A2ML1: variants seen among roughly 807,000 people sequenced by gnomAD.
A2ML1 encodes the protein alpha-2-macroglobulin-like protein 1.
A neutral mutation model predicts 181.9 loss-of-function variants in A2ML1; 161 were observed. The observed-to-expected ratio is 0.89, with a 90% CI of 0.78 to 1.01. The LOEUF is 1.01. Among genes scored for constraint, A2ML1 ranks in the 50% least tolerant of loss-of-function variants. A2ML1 has a pLI of 0.00. For synonymous variants in A2ML1, 663 were observed against 666.8 expected (o/e 0.99, Z 0.09); for missense variants, 1,670 against 1,768.1 (o/e 0.94, Z 1.00).
intron 28 of A2ML1, among the ~76,000 whole-genome samples, chr12:8,861,588 C>T (rs779762366): frequency 4.6e-5 from 7 of 150,934 alleles, no homozygotes; most frequent in Non-Finnish European, 7.4e-5. Flanking sequence ...CCCGGGTTCA[C>T]GCCATTCTCC....
At chr12:8,872,161 G>A (rs945559490) in intron 33 of A2ML1, among the ~76,000 whole-genome samples, 8 of 149,610 alleles carry the variant, frequency 5.3e-5, no homozygotes, top group African/African-American at 2.0e-4. Flanking sequence ...CCTGGGCAAC[G>A]GTGCAAGACT....
intron 18 of A2ML1, 116 bp downstream of exon 18, chr12:8,850,390 G>A (rs1943849025): frequency 3.2e-6 from 2 of 618,534 alleles, no homozygotes; most frequent in Admixed American, 3.6e-5. Flanking sequence ...TTCAAGACCA[G>A]CCTGGGCAAC....
chr12:8,827,752 C>G (rs778374557), intron 3 of A2ML1, among the ~76,000 whole-genome samples: 3 of 152,110 alleles, frequency 2.0e-5, no homozygotes, highest in Non-Finnish European at 2.9e-5. Context: ...GGCAGACTTT[C>G]CAGGTATTTG....
intron 29 of A2ML1, among the ~76,000 whole-genome samples, chr12:8,867,020 T>C (rs1446293074): frequency 6.6e-6 from 1 of 152,182 alleles, no homozygotes; most frequent in East Asian, 1.9e-4. Flanking sequence ...TCTGTCTTAT[T>C]CCCAGAGAAA....
At chr12:8,847,851 G>T (rs932088626) in intron 15 of A2ML1, among the ~76,000 whole-genome samples, 153 bp downstream of exon 15, 3 of 152,096 alleles carry the variant, frequency 2.0e-5, no homozygotes, top group Non-Finnish European at 4.4e-5. Flanking sequence ...GTTAGAAAGT[G>T]TAAGAGGGCT....
chr12:8,846,390 C>A (rs767667253), intron 14 of A2ML1, among the ~76,000 whole-genome samples, 168 bp downstream of exon 14: 1 of 152,142 alleles, frequency 6.6e-6, no homozygotes, highest in Non-Finnish European at 1.5e-5. Flanking sequence ...AAATCCATCT[C>A]TCTCCTACTT....
At chr12:8,865,399 C>T (rs899872844) in intron 29 of A2ML1, among the ~76,000 whole-genome samples, 8 of 151,970 alleles carry the variant, frequency 5.3e-5, no homozygotes, top group Non-Finnish European at 8.8e-5. Context: ...ATTAGCCAGG[C>T]GTGGTGGCGG....
At chr12:8,864,099 T>G (rs1944362210) in intron 29 of A2ML1, 91 bp downstream of exon 29, 1 of 1,210,340 alleles carries the variant, frequency 8.3e-7, no homozygotes, top group Non-Finnish European at 1.2e-6. Context: ...GCCTTCTCGG[T>G]CCAGGGGCTT....
rs7969000 is a variant in A2ML1 at position 8,838,635 on chromosome 12, G to T, written c.970+185G>T. ...CCATCTATAAGAAATACTACGGGCCGGGCATGGTGGCTCACGCCTGTAATG... is the reference window on the plus strand; with the variant it reads ...CCATCTATAAGAAATACTACGGGCCTGGCATGGTGGCTCACGCCTGTAATG... On this transcript the variant is annotated intron_variant, in intron 9 of 35. Transcript: ENST00000299698. Among the ~76,000 whole-genome samples the T allele has an allele frequency of 9.1e-3, 1,389 of 152,164 alleles. 22 individuals are homozygous for T. Among genetic ancestry groups the T allele is most frequent in the African/African-American group, 0.031 (1,300 of 41,524 alleles).
chr12:8,822,785 T>C, intron 1 of A2ML1, 72 bp downstream of exon 1: 2 of 1,425,054 alleles, frequency 1.4e-6, no homozygotes, highest in Non-Finnish European at 2.0e-6. Context: ...AACATTTATA[T>C]GGAGATGGGG....
chr12:8,850,498 G>A (rs1339394732), intron 18 of A2ML1, among the ~76,000 whole-genome samples: 1 of 152,156 alleles, frequency 6.6e-6, no homozygotes, highest in Non-Finnish European at 1.5e-5. Flanking sequence ...ACTTGAGTCT[G>A]GGAGGTGGAG....
intron 26 of A2ML1, 123 bp downstream of exon 26, chr12:8,858,225 C>A: frequency 8.2e-7 from 1 of 1,217,778 alleles, no homozygotes; most frequent in Non-Finnish European, 1.1e-6. Flanking sequence ...CACTGTGGCT[C>A]TGGGTGACCG....
intron 10 of A2ML1, among the ~76,000 whole-genome samples, chr12:8,841,021 A>AGGAAGGATGGAC (rs1555109423): frequency 2.4e-5 from 3 of 122,890 alleles, no homozygotes; most frequent in Non-Finnish European, 3.5e-5. Context: ...GACGGAAGGA[A>AGGAAGGATGGAC]GGAAGGAAGG....
Position 8,858,088 on chromosome 12 carries a change from C to A in A2ML1, c.3250C>A (p.His1084Asn). ...GCYANVGNLL[H>N]TAMKGGVDDE... is the part of the protein sequence containing the mutation. ...CTATGCCAACGTGGGAAATCTCCTTCACACAGCTATGAAGGTGCGGATCTG... is the reference window on the plus strand; with the variant it reads ...CTATGCCAACGTGGGAAATCTCCTTAACACAGCTATGAAGGTGCGGATCTG... Residue 1084 changes from histidine (H) to asparagine (N), a missense_variant, in exon 26 of 36, where the codon CAC (histidine) becomes AAC (asparagine). Transcript: ENST00000299698. The A allele has an allele frequency of 6.2e-7, 1 of 1,614,082 alleles. No individual in the cohort carries two copies.
chr12:8,852,336 G>A lies in A2ML1; in HGVS notation c.2590G>A (p.Gly864Ser), dbSNP rs1466495061. ...CTGGAACATCACAGCTGTCAAATTG[G>A]GTAAGAGAGGGAAGTGGTAGACGGG... ...HHWNITAVKL[G>S]HINFTISTKI... The change falls in exon 20 of 36, where the codon GGT becomes AGT. Residue 864 changes from glycine to serine, a missense_variant and splice_region_variant. Transcript: ENST00000299698. The surrounding 1 kb of genome is among the most constrained non-coding windows in gnomAD (Gnocchi z 4.2). 3 of 1,613,858 alleles carry A rather than the reference G, an allele frequency of 1.9e-6. No homozygotes were observed. The highest frequency in any genetic ancestry group is 2.2e-5 in the South Asian group (2 of 91,066).
At chr12:8,849,602 C>T in intron 16 of A2ML1, 67 bp from the exon 17 acceptor site, 1 of 1,257,782 alleles carries the variant, frequency 8.0e-7, no homozygotes, top group East Asian at 2.4e-5. Flanking sequence ...TGGTGGAATT[C>T]CTGGGCAGTA....
At chr12:8,854,395 G>T in intron 21 of A2ML1, 146 bp downstream of exon 21, 1 of 1,305,142 alleles carries the variant, frequency 7.7e-7, no homozygotes, top group Non-Finnish European at 1.0e-6. Context: ...TTGAACATTT[G>T]CCTAATCCAC....
rs978804334 is a variant in A2ML1, at chr12:8,869,360, G to A, written c.4221+157G>A. ...AGTTCTGCCTCCATGCTGGTATACCGTAAAACACCCCATTGTGCCTCTAGA... is the reference window on the plus strand; with the variant it reads ...AGTTCTGCCTCCATGCTGGTATACCATAAAACACCCCATTGTGCCTCTAGA... On this transcript the variant is annotated intron_variant, in intron 33 of 35. Coordinates refer to ENST00000299698, the MANE Select transcript of A2ML1 (RefSeq NM_144670.6). Among the ~76,000 whole-genome samples, 10 of 152,224 alleles carry A rather than the reference G, an allele frequency of 6.6e-5. 1 individual carries two copies. In the South Asian group the frequency reaches 1.7e-3, roughly 25 times the overall value.
At position 8,823,312 on chromosome 12, in the gene A2ML1, T is replaced by C; in HGVS notation, c.193T>C (p.Leu65=). Residue 65 remains leucine (L), a synonymous_variant, in exon 2 of 36, where the codon TTG becomes CTG. Coordinates refer to ENST00000299698, the MANE Select transcript of A2ML1 (RefSeq NM_144670.6). ...GGAGACCAAGGACAAGACCCAGAAG[T>C]TGCTAGAATACTCTGGACTGAAGAA... ...TLETKDKTQK[L]LEYSGLKKRH... is the part of the protein sequence containing the mutation. 6.2e-7 allele frequency: 1 copy of C among 1,614,160 alleles called. No individual in the cohort carries two copies. Among genetic ancestry groups the C allele is most frequent in the Non-Finnish European group, 8.5e-7 (1 of 1,180,034 alleles).
Sources: gnomAD v4.1 joint callset for allele counts (sites outside exome capture counted in the v4.1 genomes callset) on GRCh38, gnomAD v4.1.1 for gene constraint, Gnocchi (gnomAD v3.1) non-coding constraint, MANE v1.5 for transcripts, NCBI Gene and HGNC (gene_info 2026-07-23, HGNC 2026-07-21) for gene names.